MYO15B: variants seen among roughly 807,000 people sequenced by gnomAD.
MYO15B encodes myosin XVB.
MYO15B carries 207 observed loss-of-function variants against 119.3 expected under a neutral mutation model. The ratio of observed to expected loss-of-function variants is 1.73; its 90% CI spans 1.55 to 1.95. The LOEUF is 1.95. Among genes scored for constraint, MYO15B ranks in the 30% most tolerant of loss-of-function variants. MYO15B has a pLI of 0.00. For missense variants in MYO15B, 2,264 were observed against 1,203.1 expected (o/e 1.88, Z -13.04); for synonymous variants, 966 against 498.9 (o/e 1.94, Z -12.48).
At chr17:75,602,541 C>T (rs968602349) in exon 16 of MYO15B, 15 of 700,578 alleles carry the variant, frequency 2.1e-5, no homozygotes, top group Non-Finnish European at 3.1e-5. Flanking sequence ...AAACAGAAAC[C>T]GGGATCAGCT....
At position 75,616,880 on chromosome 17, in the gene MYO15B, CA is replaced by C; in HGVS notation, c.6516del (p.Ala2173LeufsTer3). On this transcript the variant is annotated frameshift_variant, in exon 40 of 64. Coordinates refer to ENST00000645453, the Ensembl canonical transcript of MYO15B. LOFTEE classifies it high-confidence loss of function. ...CTCTTGCTTCTCCCACGAGGCCTCC[CA>C]AAGCTTTCCTGAGGAAAATCGACCC... is the stretch of plus-strand genomic sequence containing the variant. 1.4e-6 allele frequency: 1 copy of C among 703,062 alleles called. No individual in the cohort carries two copies. Among genetic ancestry groups the C allele is most frequent in the Non-Finnish European group, 2.6e-6 (1 of 385,022 alleles). The allele number at this position is 703,062 out of a possible 1,614,324, so 43.6% of individuals were successfully genotyped here.
intron 14 of MYO15B, among the ~76,000 whole-genome samples, chr17:75,599,702 C>T (rs1012263822): frequency 1.1e-4 from 17 of 151,694 alleles, no homozygotes; most frequent in African/African-American, 3.4e-4. Context: ...GTCAGGAGAT[C>T]GAGACCACAG....
intron 43 of MYO15B, 90 bp downstream of exon 43, chr17:75,618,275 A>T: frequency 1.5e-6 from 1 of 684,698 alleles, no homozygotes; most frequent in Non-Finnish European, 2.7e-6. Flanking sequence ...GGTTAACACC[A>T]CGTAGGGCAT....
intron 21 of MYO15B, 161 bp downstream of exon 21, chr17:75,606,182 C>A: frequency 1.8e-6 from 1 of 541,692 alleles, no homozygotes; most frequent in Non-Finnish European, 3.3e-6. Context: ...GGCATTACCC[C>A]CCATACCCGT....
chr17:75,595,387 C>G (rs890939614), intron 12 of MYO15B, among the ~76,000 whole-genome samples: 1 of 152,124 alleles, frequency 6.6e-6, no homozygotes, highest in African/African-American at 2.4e-5. Context: ...ACCACAAGCC[C>G]CAGCCCTGGC....
exon 46 of MYO15B, chr17:75,619,720 C>T (rs1181327146): frequency 1.4e-6 from 1 of 702,910 alleles, no homozygotes. Context: ...AGCCGTGTCC[C>T]ACCGTGGGCT....
At chr17:75,602,229 A>T in intron 15 of MYO15B, 2 of 522,272 alleles carry the variant, frequency 3.8e-6, no homozygotes, top group Non-Finnish European at 6.9e-6. Flanking sequence ...AATAGATTTA[A>T]TATGGAGAGA....
At chr17:75,626,804 G>A (rs2059092694) in exon 64 of MYO15B, 16 of 492,080 alleles carry the variant, frequency 3.3e-5, no homozygotes, top group South Asian at 2.6e-4. Flanking sequence ...ACAAGCCCAG[G>A]CATGGGAGAA....
rs1042300828 is a variant in MYO15B, at chr17:75,594,773, C to T, written c.3164+14C>T. Reference sequence around the variant, plus strand: ...CTTTGATGCCAGGTGGCCCTAGAGACGGGTGAGAGTCAGAGCAGGGCCCGA... The same window carrying T: ...CTTTGATGCCAGGTGGCCCTAGAGATGGGTGAGAGTCAGAGCAGGGCCCGA... On this transcript the variant is annotated intron_variant, in intron 11 of 63. Coordinates refer to ENST00000645453, the Ensembl canonical transcript of MYO15B. 2.8e-5 allele frequency: 20 copies of T among 702,848 alleles called. No homozygotes were observed. The highest frequency in any genetic ancestry group is 2.3e-4 in the Middle Eastern group (1 of 4,388). 43.5% of individuals were successfully genotyped at this position (702,848 alleles called of 1,614,324 possible). A position where few individuals can be genotyped will look rare whatever the true frequency, so the allele number is the denominator to read the frequency against.
At chr17:75,588,821 C>G (rs2056224699) in exon 1 of MYO15B, 1 of 398,370 alleles carries the variant, frequency 2.5e-6, no homozygotes, top group Admixed American at 4.4e-5. Flanking sequence ...GGCTCTCGGG[C>G]AGCTATGGCC....
intron 9 of MYO15B, among the ~76,000 whole-genome samples, chr17:75,593,269 C>T (rs191571397): frequency 2.4e-4 from 36 of 149,120 alleles, no homozygotes; most frequent in Admixed American, 1.9e-3. Flanking sequence ...TTTGGGAGGC[C>T]GAGGTGGGTG....
At chr17:75,624,410 G>T (rs187357707) in exon 57 of MYO15B, 1 of 702,560 alleles carries the variant, frequency 1.4e-6, no homozygotes. Context: ...CACCTGCCGG[G>T]GGGTGTGGAT....
exon 39 of MYO15B, chr17:75,616,748 C>T (rs771179987): frequency 6.7e-5 from 47 of 702,910 alleles, no homozygotes; most frequent in South Asian, 1.2e-4. Flanking sequence ...GTACCAGAGC[C>T]GCCCGGGCCC....
exon 10 of MYO15B, chr17:75,594,573 C>T (rs922265989): frequency 9.1e-6 from 6 of 660,066 alleles, no homozygotes; most frequent in African/African-American, 1.8e-5. Flanking sequence ...AGGGGGCTGT[C>T]ACCAGGAGGG....
intron 14 of MYO15B, among the ~76,000 whole-genome samples, chr17:75,597,863 C>T (rs1041983960): frequency 2.6e-5 from 4 of 152,142 alleles, no homozygotes; most frequent in African/African-American, 9.7e-5. Flanking sequence ...ATGCAGTGAG[C>T]CATGATCATG....
At chr17:75,625,270 C>G (rs1207618065) in intron 60 of MYO15B, 32 bp downstream of exon 60, 1 of 676,564 alleles carries the variant, frequency 1.5e-6, no homozygotes, top group Non-Finnish European at 2.7e-6. Flanking sequence ...CCCTAAGCCC[C>G]TCCCCTTCTC....
chr17:75,606,529 A>G (rs2147910237), intron 21 of MYO15B, among the ~76,000 whole-genome samples: 1 of 149,684 alleles, frequency 6.7e-6, no homozygotes, highest in East Asian at 2.0e-4. Flanking sequence ...GCTGGAGTGT[A>G]ATGGTGCGAT....
intron 45 of MYO15B, 96 bp downstream of exon 45, chr17:75,619,572 A>C: frequency 1.5e-6 from 1 of 683,304 alleles, no homozygotes. Flanking sequence ...GCCGGGGAGC[A>C]GACGCCAGGG....
chr17:75,620,064 A>C, intron 47 of MYO15B, 44 bp downstream of exon 47: 2 of 681,296 alleles, frequency 2.9e-6, no homozygotes, highest in South Asian at 3.1e-5. Context: ...GACAGCCCTC[A>C]CCGATGCTGC....
Sources: allele counts gnomAD v4.1 joint callset (sites outside exome capture counted in the v4.1 genomes callset), GRCh38; gene constraint gnomAD v4.1.1; transcripts MANE v1.5; gene names NCBI Gene and HGNC (gene_info 2026-07-23, HGNC 2026-07-21).